The following MIXL1 variants were observed in gnomAD, a reference collection of about 807,000 sequenced individuals.
The protein encoded by MIXL1 is Mix paired-like homeobox.
Under a neutral mutation model 9.3 loss-of-function variants are expected in MIXL1, and 9 were observed. The observed-to-expected ratio is 0.97, with a 90% CI of 0.58 to 1.69. MIXL1 has a LOEUF of 1.69. MIXL1 is among the 40% of genes most tolerant of loss of function. The pLI is 0.00. For missense variants in MIXL1, 330 were observed against 331.7 expected (o/e 0.99, Z 0.04); for synonymous variants, 164 against 155.6 (o/e 1.05, Z -0.40).
chr1:226,225,910 G>T lies in MIXL1; in HGVS notation c.*98G>T. The T allele has an allele frequency of 1.0e-6, 1 of 998,352 alleles. No homozygotes were observed. The highest frequency in any genetic ancestry group is 1.5e-6 in the Non-Finnish European group (1 of 671,192). The allele number at this position is 998,352 out of a possible 1,614,324, so 61.8% of individuals were successfully genotyped here. ...TGTCCTTTCTGACTTCCATGCTAAG[G>T]ACATGTCCTTGTTAACCTTGATGAT... On this transcript the variant is annotated 3_prime_UTR_variant, in exon 2 of 2. Coordinates refer to ENST00000366810, the MANE Select transcript of MIXL1 (RefSeq NM_031944.3).
rs780052195 is a variant in MIXL1 at position 226,223,987 on chromosome 1, G to C, written c.306G>C (p.Glu102Asp). 3.5e-6 allele frequency: 5 copies of C among 1,449,206 alleles called. No homozygotes were observed. In the African/African-American group the frequency reaches 7.2e-5, roughly 21 times the overall value. The allele number at this position is 1,449,206 out of a possible 1,614,324, so 89.8% of individuals were successfully genotyped here. A position where few individuals can be genotyped will look rare whatever the true frequency, so the allele number is the denominator to read the frequency against. ...SFSAEQLQLL[E>D]LVFRRTRYPD... The stretch of plus-strand genomic sequence containing the variant: ...GCGCCGAACAGCTGCAGCTGCTGGA[G>C]CTCGTCTTCCGCCGGACCCGGTACC... Residue 102 changes from glutamate (E) to aspartate (D), a missense_variant, in exon 1 of 2, where the codon GAG (glutamate) becomes GAC (aspartate). Physicochemically the swap from Glu to Asp is conservative, Grantham distance 45. Coordinates refer to ENST00000366810, the MANE Select transcript of MIXL1 (RefSeq NM_031944.3).
rs367839182 is a variant in MIXL1 at position 226,223,963 on chromosome 1, C to T, written c.282C>T (p.Ser94=). 2.1e-6 allele frequency: 3 copies of T among 1,447,780 alleles called. No individual in the cohort carries two copies. The highest frequency in any genetic ancestry group is 1.8e-6 in the Non-Finnish European group (2 of 1,090,056). 89.7% of individuals were successfully genotyped at this position (1,447,780 alleles called of 1,614,324 possible). Residue 94 remains serine, a synonymous_variant, in exon 1 of 2, where the codon AGC becomes AGT. Transcript: ENST00000366810. Reference sequence around the variant, plus strand: ...AGCGCCGCAAGCGCACGTCTTTCAGCGCCGAACAGCTGCAGCTGCTGGAGC... The same window carrying T: ...AGCGCCGCAAGCGCACGTCTTTCAGTGCCGAACAGCTGCAGCTGCTGGAGC... ...ASQRRKRTSF[S]AEQLQLLELV...
rs1325934429 is a variant in MIXL1 at position 226,223,823 on chromosome 1, G to C, written c.142G>C (p.Gly48Arg). Residue 48 changes from glycine (G) to arginine (R), a missense_variant, in exon 1 of 2, where the codon GGC (glycine) becomes CGC (arginine). Coordinates refer to ENST00000366810, the MANE Select transcript of MIXL1 (RefSeq NM_031944.3). ...GCTCCCTGCGCCGCCCGCGGGCCCC[G>C]GCCCAGCGACCTTTGCGGGCTTCCT... ...ALLPAPPAGP[G>R]PATFAGFLGR... 2.5e-6 allele frequency: 3 copies of C among 1,215,146 alleles called. No individual in the cohort carries two copies. In the Admixed American group the frequency reaches 1.3e-4, roughly 53 times the overall value. 75.3% of individuals were successfully genotyped at this position (1,215,146 alleles called of 1,614,324 possible). A position where few individuals can be genotyped will look rare whatever the true frequency, so the allele number is the denominator to read the frequency against.
In MIXL1 at chr1:226,225,537, C is replaced by T; in HGVS notation, c.424C>T (p.Arg142Trp). ...GTTCCAGAACAGGCGTGCCAAGTCT[C>T]GGCGTCAGAGTGGGAAATCCTTCCA... Reference protein sequence around the residue: ...VWFQNRRAKSRRQSGKSFQPL... With the variant: ...VWFQNRRAKSWRQSGKSFQPL... Residue 142 changes from arginine (R) to tryptophan (W), a missense_variant, in exon 2 of 2, where the codon CGG (arginine) becomes TGG (tryptophan). By Grantham distance (101) the Arg-to-Trp change is moderately radical (BLOSUM62 -3). Transcript: ENST00000366810. The T allele has an allele frequency of 1.2e-6, 2 of 1,614,222 alleles. No homozygotes were observed. Among genetic ancestry groups the T allele is most frequent in the African/African-American group, 2.7e-5 (2 of 75,052 alleles).
At chr1:226,224,337 G>C (rs1657099055) in intron 1 of MIXL1, among the ~76,000 whole-genome samples, 1 of 152,170 alleles carries the variant, frequency 6.6e-6, no homozygotes, top group Non-Finnish European at 1.5e-5. Flanking sequence ...GAGGCTAGCC[G>C]GTCCCCTGAA....
chr1:226,225,210 T>G (rs757315739), intron 1 of MIXL1, among the ~76,000 whole-genome samples: 3 of 152,162 alleles, frequency 2.0e-5, no homozygotes, highest in Non-Finnish European at 4.4e-5. Flanking sequence ...TAATGCAGTT[T>G]TTTTCTAAGA....
rs1396418825 is a variant in MIXL1 at position 226,226,624 on chromosome 1, A to T, written c.*812A>T. ...AGCCTGGGAGGTGGAGGTTGCAGTG[A>T]TCTAAGATCGTGCCACTGCACTTCA... On this transcript the variant is annotated 3_prime_UTR_variant, in exon 2 of 2. Transcript: ENST00000366810. 1 of 141,004 alleles carries T rather than the reference A, an allele frequency of 7.1e-6. No individual in the cohort carries two copies. The highest frequency in any genetic ancestry group is 2.7e-5 in the African/African-American group (1 of 37,336). 8.7% of individuals were successfully genotyped at this position (141,004 alleles called of 1,614,324 possible). A position where few individuals can be genotyped will look rare whatever the true frequency, so the allele number is the denominator to read the frequency against.
intron 1 of MIXL1, among the ~76,000 whole-genome samples, chr1:226,224,867 T>TGA (rs1310003006): frequency 1.3e-5 from 2 of 152,202 alleles, no homozygotes; most frequent in Admixed American, 1.3e-4. Flanking sequence ...TTCGAACTCC[T>TGA]GACCTCAGGT....
rs1374096606 is a variant in MIXL1, at chr1:226,223,699, C to T, written c.18C>T (p.Ser6=). ...CCGGAGCGATGGCCACAGCCGAGTC[C>T]CGTGCGCTCCAGTTTGCCGAGGGCG... MATAE[S]RALQFAEGAA... is the part of the protein sequence containing the mutation. The change falls in exon 1 of 2, where the codon TCC becomes TCT. Residue 6 remains serine (S), a synonymous_variant. Transcript: ENST00000366810. The T allele has an allele frequency of 2.0e-6, 3 of 1,472,848 alleles. No individual in the cohort carries two copies. The highest frequency in any genetic ancestry group is 5.9e-5 in the East Asian group (2 of 33,946). 91.2% of individuals were successfully genotyped at this position (1,472,848 alleles called of 1,614,324 possible). A position where few individuals can be genotyped will look rare whatever the true frequency, so the allele number is the denominator to read the frequency against.
chr1:226,225,452 T>A (rs942399775), intron 1 of MIXL1, 55 bp from the exon 2 acceptor site: 50 of 1,579,584 alleles, frequency 3.2e-5, no homozygotes, highest in Non-Finnish European at 4.2e-5. Context: ...GTGAACATAA[T>A]GTTAGCATAA....
rs749718940 is a variant in MIXL1, at chr1:226,225,738, CCT to C, written c.632_633del (p.Ser211Ter). 19 of 1,614,048 alleles carry C rather than the reference CCT, an allele frequency of 1.2e-5. No individual in the cohort carries two copies. In the South Asian group the frequency reaches 1.9e-4, roughly 16 times the overall value. Reference protein sequence around the residue: ...SQGQNFETCSPLSEDIGSKLD... With the variant: ...SQGQNFETCSXLSEDIGSKLD... ...AGGTCAGAATTTTGAAACCTGTTCC[CCT>C]CTCTCTGAAGACATTGGTTCAAAGC... On this transcript the variant is annotated frameshift_variant, in exon 2 of 2. Coordinates refer to ENST00000366810, the MANE Select transcript of MIXL1 (RefSeq NM_031944.3). LOFTEE classifies it high-confidence loss of function.
chr1:226,226,269 T>G lies in MIXL1; in HGVS notation c.*457T>G, dbSNP rs1395019078. 2 of 154,404 alleles carry G rather than the reference T, an allele frequency of 1.3e-5. No homozygotes were observed. Among genetic ancestry groups the G allele is most frequent in the African/African-American group, 4.8e-5 (2 of 41,428 alleles). 9.6% of individuals were successfully genotyped at this position (154,404 alleles called of 1,614,324 possible). The stretch of plus-strand genomic sequence containing the variant: ...GTCTCTTCAACCCTCATCCTAGGTT[T>G]ATTACTTTTTAAAATTGGGCCTGTC... On this transcript the variant is annotated 3_prime_UTR_variant, in exon 2 of 2. Coordinates refer to ENST00000366810, the MANE Select transcript of MIXL1 (RefSeq NM_031944.3).
chr1:226,224,730 C>T (rs1657117166), intron 1 of MIXL1, among the ~76,000 whole-genome samples: 1 of 152,188 alleles, frequency 6.6e-6, no homozygotes, highest in African/African-American at 2.4e-5. Flanking sequence ...ACCTCCGCCT[C>T]CCAGGTTCAA....
Position 226,223,967 on chromosome 1 carries a change from G to A in MIXL1, c.286G>A (p.Glu96Lys), listed in dbSNP as rs763390007. The part of the protein sequence containing the change: ...QRRKRTSFSA[E>K]QLQLLELVFR... Reference sequence around the variant, plus strand: ...CCGCAAGCGCACGTCTTTCAGCGCCGAACAGCTGCAGCTGCTGGAGCTCGT... The same window carrying A: ...CCGCAAGCGCACGTCTTTCAGCGCCAAACAGCTGCAGCTGCTGGAGCTCGT... Residue 96 changes from glutamate to lysine, a missense_variant, in exon 1 of 2, where the codon GAA (glutamate) becomes AAA (lysine). Coordinates refer to ENST00000366810, the MANE Select transcript of MIXL1 (RefSeq NM_031944.3). The A allele has an allele frequency of 6.9e-6, 10 of 1,447,910 alleles. No individual in the cohort carries two copies. In the South Asian group the frequency reaches 1.2e-4, roughly 17 times the overall value. 89.7% of individuals were successfully genotyped at this position (1,447,910 alleles called of 1,614,324 possible). A position where few individuals can be genotyped will look rare whatever the true frequency, so the allele number is the denominator to read the frequency against.
Position 226,223,901 on chromosome 1 carries a change from G to T in MIXL1, c.220G>T (p.Ala74Ser). Residue 74 changes from alanine to serine, a missense_variant, in exon 1 of 2, where the codon GCG becomes TCG. By Grantham distance (99) the Ala-to-Ser change is moderately conservative. Transcript: ENST00000366810. Reference sequence around the variant, plus strand: ...GCCCCCCGCCAGCCTGGGCTCGCCTGCGCCCCCCAAAGGCGCGGCCGCCCC... The same window carrying T: ...GCCCCCCGCCAGCCTGGGCTCGCCTTCGCCCCCCAAAGGCGCGGCCGCCCC... ...PPPPASLGSP[A>S]PPKGAAAPSA... 1 of 1,288,016 alleles carries T rather than the reference G, an allele frequency of 7.8e-7. No homozygotes were observed. Among genetic ancestry groups the T allele is most frequent in the Non-Finnish European group, 9.9e-7 (1 of 1,013,514 alleles). 79.8% of individuals were successfully genotyped at this position (1,288,016 alleles called of 1,614,324 possible). A position where few individuals can be genotyped will look rare whatever the true frequency, so the allele number is the denominator to read the frequency against.
intron 1 of MIXL1, 84 bp from the exon 2 acceptor site, chr1:226,225,423 G>T: frequency 6.8e-7 from 1 of 1,478,830 alleles, no homozygotes; most frequent in Non-Finnish European, 9.2e-7. Flanking sequence ...TGTTAAACTG[G>T]AACTTACCAG....
In MIXL1 at chr1:226,223,816, G is replaced by A. The variant is rs573535355; in HGVS notation, c.135G>A (p.Ala45=). The change falls in exon 1 of 2, where the codon GCG becomes GCA. Residue 45 remains alanine (A), a synonymous_variant. Coordinates refer to ENST00000366810, the MANE Select transcript of MIXL1 (RefSeq NM_031944.3). ...PAAALLPAPP[A]GPGPATFAGF... ...CAGCCCTGCTCCCTGCGCCGCCCGCGGGCCCCGGCCCAGCGACCTTTGCGG... is the reference window on the plus strand; with the variant it reads ...CAGCCCTGCTCCCTGCGCCGCCCGCAGGCCCCGGCCCAGCGACCTTTGCGG... 367 of 1,220,796 alleles carry A rather than the reference G, an allele frequency of 3.0e-4. 2 individuals are homozygous for A. In the African/African-American group the frequency reaches 5.3e-3, roughly 18 times the overall value. 75.6% of individuals were successfully genotyped at this position (1,220,796 alleles called of 1,614,324 possible).
Position 226,224,053 on chromosome 1 carries a change from G to T in MIXL1, c.372G>T (p.Leu124=). The T allele has an allele frequency of 7.3e-7, 1 of 1,364,576 alleles. No homozygotes were observed. 84.5% of individuals were successfully genotyped at this position (1,364,576 alleles called of 1,614,324 possible). ...GCGAGCGCCTGGCCGCGCTCACCCT[G>T]CTCCCCGAGTCCAGGATCCAGGTGA... The part of the protein sequence containing the change: ...HLRERLAALT[L]LPESRIQVWF... The change falls in exon 1 of 2, where the codon CTG becomes CTT. Residue 124 remains leucine (L), a synonymous_variant. Coordinates refer to ENST00000366810, the MANE Select transcript of MIXL1 (RefSeq NM_031944.3).
In MIXL1 at chr1:226,225,611, T is replaced by C. The variant is rs150124070; in HGVS notation, c.498T>C (p.Thr166=). 1 of 1,614,100 alleles carries C rather than the reference T, an allele frequency of 6.2e-7. No homozygotes were observed. The highest frequency in any genetic ancestry group is 1.3e-5 in the African/African-American group (1 of 74,924). ...TCCTCAACCACTGTGCTCCTGGAAC[T>C]GAAACGAAATGTCTGAAGCCCCAGC... The part of the protein sequence containing the change: ...EIILNHCAPG[T]ETKCLKPQLP... Residue 166 remains threonine, a synonymous_variant, in exon 2 of 2, where the codon ACT becomes ACC. Coordinates refer to ENST00000366810, the MANE Select transcript of MIXL1 (RefSeq NM_031944.3).
Sources: allele counts gnomAD v4.1 joint callset (sites outside exome capture counted in the v4.1 genomes callset), GRCh38; gene constraint gnomAD v4.1.1; transcripts MANE v1.5; gene names NCBI Gene and HGNC (gene_info 2026-07-23, HGNC 2026-07-21).